NELL1: variants seen among roughly 807,000 people sequenced by gnomAD.
NELL1 encodes protein kinase C-binding protein NELL1.
In NELL1, 76 loss-of-function variants were observed where a neutral mutation model predicts 107.4. The ratio of observed to expected loss-of-function variants is 0.71; its 90% CI spans 0.59 to 0.86. The LOEUF is 0.86. NELL1 is among the 40% of genes least tolerant of loss of function. The pLI, the probability that NELL1 is intolerant of heterozygous loss-of-function variation, is 0.00. For missense variants in NELL1, 1,024 were observed against 1,005.5 expected (o/e 1.02, Z -0.25); for synonymous variants, 353 against 341.2 (o/e 1.03, Z -0.38).
intron 13 of NELL1, among the ~76,000 whole-genome samples, chr11:21,228,615 G>C (rs1168006158): frequency 6.6e-6 from 1 of 150,976 alleles, no homozygotes; most frequent in Non-Finnish European, 1.5e-5. Flanking sequence ...TTTCTCTGCA[G>C]TTTTATCCTC....
At chr11:21,349,658 A>G (rs1182300402) in intron 14 of NELL1, among the ~76,000 whole-genome samples, 1 of 151,518 alleles carries the variant, frequency 6.6e-6, no homozygotes. Flanking sequence ...TGATCACTTG[A>G]GTTTGGGAAT....
intron 15 of NELL1, among the ~76,000 whole-genome samples, chr11:21,473,755 T>G (rs966307419): frequency 6.6e-6 from 1 of 152,194 alleles, no homozygotes; most frequent in Admixed American, 6.6e-5. Flanking sequence ...GAGGAAATTC[T>G]AAGGCTTACG....
At chr11:21,092,931 C>A in intron 12 of NELL1, among the ~76,000 whole-genome samples, 1 of 151,970 alleles carries the variant, frequency 6.6e-6, no homozygotes, top group South Asian at 2.1e-4. Flanking sequence ...GGTGAACAGA[C>A]AATTCTCTTC....
At chr11:20,723,600 G>C (rs1447189006) in intron 2 of NELL1, among the ~76,000 whole-genome samples, 1 of 152,136 alleles carries the variant, frequency 6.6e-6, no homozygotes, top group African/African-American at 2.4e-5. Context: ...TGCTTTCATA[G>C]GTTGGTGTTG....
chr11:20,720,566 C>G (rs1519721), intron 2 of NELL1, among the ~76,000 whole-genome samples: 18,447 of 151,998 alleles, frequency 0.12, 2,794 homozygotes, highest in African/African-American at 0.36. Context: ...GTACTGTTGA[C>G]TAGGTGGCTT....
chr11:21,518,139 GAA>G (rs11351069), intron 15 of NELL1, among the ~76,000 whole-genome samples: 207 of 143,996 alleles, frequency 1.4e-3, no homozygotes, highest in East Asian at 8.0e-3. Flanking sequence ...ACTCACTGAA[GAA>G]AAAAAAAAAA....
intron 13 of NELL1, among the ~76,000 whole-genome samples, chr11:21,197,932 G>A (rs902492100): frequency 5.3e-5 from 8 of 152,052 alleles, no homozygotes; most frequent in Non-Finnish European, 1.0e-4. Context: ...AAACTTATTG[G>A]TATCAAACAA....
intron 2 of NELL1, among the ~76,000 whole-genome samples, chr11:20,706,495 A>G (rs1416010405): frequency 7.4e-6 from 1 of 134,230 alleles, no homozygotes; most frequent in Non-Finnish European, 1.6e-5. Flanking sequence ...AGGAAGGGGA[A>G]CATCACACAC....
chr11:21,318,436 C>G (rs78487772), intron 14 of NELL1, among the ~76,000 whole-genome samples: 1 of 152,112 alleles, frequency 6.6e-6, no homozygotes, highest in African/African-American at 2.4e-5. Flanking sequence ...AGGGGCTTCT[C>G]CATCTTTCCA....
chr11:21,404,162 T>TA (rs1253812475), intron 15 of NELL1, among the ~76,000 whole-genome samples: 6 of 151,892 alleles, frequency 4.0e-5, no homozygotes, highest in Admixed American at 3.9e-4. Flanking sequence ...ACAGCCTGGC[T>TA]ATTTTTGGAA....
In NELL1 at chr11:20,919,317, G is replaced by A. The variant is rs146222427; in HGVS notation, c.742G>A (p.Ala248Thr). 6 of 1,601,220 alleles carry A rather than the reference G, an allele frequency of 3.7e-6. No individual in the cohort carries two copies. Among genetic ancestry groups the A allele is most frequent in the East Asian group, 2.2e-5 (1 of 44,624 alleles). ...AATAATGGATTTACAAGAGCTTTTG[G>A]CCAAGATGACTGCAAAAGTAGGTAT... ...QGIMDLQELL[A>T]KMTAKLNYAE... The change falls in exon 7 of 20, where the codon GCC (alanine) becomes ACC (threonine). Residue 248 changes from alanine to threonine, a missense_variant. Ala to Thr is a moderately conservative substitution (Grantham distance 58). Transcript: ENST00000357134.
chr11:21,283,068 G>T lies in NELL1; in HGVS notation c.1549+53614G>T, dbSNP rs142094445. ...GTGGGGGAGGTGGGGATGGTTAATGGGTACAAAAACTAGAAAGAATGAATA... is the reference window on the plus strand; with the variant it reads ...GTGGGGGAGGTGGGGATGGTTAATGTGTACAAAAACTAGAAAGAATGAATA... On this transcript the variant is annotated intron_variant, in intron 14 of 19. Transcript: ENST00000357134. Among the ~76,000 whole-genome samples, 590 of 152,028 alleles carry T rather than the reference G, an allele frequency of 3.9e-3. 5 individuals carry two copies. Among genetic ancestry groups the T allele is most frequent in the African/African-American group, 0.014 (568 of 41,484 alleles).
At chr11:20,738,302 C>G (rs1304856031) in intron 2 of NELL1, among the ~76,000 whole-genome samples, 1 of 152,116 alleles carries the variant, frequency 6.6e-6, no homozygotes, top group African/African-American at 2.4e-5. Context: ...TACAGAGAGC[C>G]TGGCACACAG....
At chr11:21,179,583 G>T (rs562712985) in intron 13 of NELL1, among the ~76,000 whole-genome samples, 1 of 151,936 alleles carries the variant, frequency 6.6e-6, no homozygotes, top group East Asian at 1.9e-4. Context: ...TTAAGTCTTT[G>T]CTTATGTCAA....
At chr11:21,429,013 G>C (rs1852903178) in intron 15 of NELL1, among the ~76,000 whole-genome samples, 1 of 152,156 alleles carries the variant, frequency 6.6e-6, no homozygotes, top group African/African-American at 2.4e-5. Flanking sequence ...ATATTGCAGT[G>C]TATGATTCAT....
At chr11:21,065,504 A>G (rs1305553352) in intron 12 of NELL1, among the ~76,000 whole-genome samples, 1 of 152,174 alleles carries the variant, frequency 6.6e-6, no homozygotes, top group Non-Finnish European at 1.5e-5. Context: ...AGAGGCTGAA[A>G]AAAAGACACA....
chr11:20,869,937 A>C (rs993678525), intron 4 of NELL1, among the ~76,000 whole-genome samples: 1 of 152,244 alleles, frequency 6.6e-6, no homozygotes, highest in African/African-American at 2.4e-5. Flanking sequence ...AGGTGAGGTT[A>C]CTAAAAGGTT....
intron 2 of NELL1, 142 bp from the exon 3 acceptor site, chr11:20,783,538 T>C: frequency 1.7e-6 from 1 of 585,670 alleles, no homozygotes; most frequent in East Asian, 3.0e-5. Context: ...CTGGATTCTT[T>C]GGACATGACA....
intron 15 of NELL1, among the ~76,000 whole-genome samples, chr11:21,520,434 C>T (rs1023606819): frequency 6.6e-6 from 1 of 152,128 alleles, no homozygotes; most frequent in Non-Finnish European, 1.5e-5. Context: ...ATAAGAATCT[C>T]TCCCTTTGAC....
Sources: gnomAD v4.1 joint callset for allele counts (sites outside exome capture counted in the v4.1 genomes callset) on GRCh38, gnomAD v4.1.1 for gene constraint, MANE v1.5 for transcripts, NCBI Gene and HGNC (gene_info 2026-07-23, HGNC 2026-07-21) for gene names.